WWOX: variants seen among roughly 807,000 people sequenced by gnomAD.
WWOX encodes WW domain containing oxidoreductase, also known as WW domain-containing oxidoreductase.
A neutral mutation model predicts 46.2 loss-of-function variants in WWOX; 69 were observed. The observed-to-expected ratio is 1.49, with a 90% CI of 1.23 to 1.82. The LOEUF (loss-of-function observed/expected upper bound fraction) is 1.82. Among genes scored for constraint, WWOX ranks in the 40% most tolerant of loss-of-function variants. The probability of loss-of-function intolerance (pLI) is 0.00; values close to 1 mark genes in which losing one functional copy is unlikely to be tolerated. For missense variants in WWOX, 919 were observed against 542.6 expected (o/e 1.69, Z -6.89); for synonymous variants, 359 against 202.6 (o/e 1.77, Z -6.56).
chr16:78,684,484 C>G (rs777700138), intron 8 of WWOX, among the ~76,000 whole-genome samples: 1 of 152,146 alleles, frequency 6.6e-6, no homozygotes, highest in Non-Finnish European at 1.5e-5. Flanking sequence ...TTCCTCTCCA[C>G]CCCACCCATT....
chr16:78,608,636 C>G (rs1176024321), intron 8 of WWOX, among the ~76,000 whole-genome samples: 1 of 152,178 alleles, frequency 6.6e-6, no homozygotes, highest in East Asian at 1.9e-4. Flanking sequence ...GGGTCACCAA[C>G]CCGTTCCATC....
chr16:78,411,792 T>A (rs997878060), intron 6 of WWOX, among the ~76,000 whole-genome samples: 5 of 152,032 alleles, frequency 3.3e-5, no homozygotes, highest in Admixed American at 6.6e-5. Context: ...AAACATGGAG[T>A]GACATGAAGT....
intron 8 of WWOX, among the ~76,000 whole-genome samples, chr16:78,645,257 A>G (rs1050325009): frequency 6.6e-5 from 10 of 152,098 alleles, no homozygotes; most frequent in African/African-American, 2.2e-4. Context: ...AGTTGTCAGT[A>G]TAAATGCTCC....
intron 5 of WWOX, among the ~76,000 whole-genome samples, chr16:78,368,262 T>G (rs1031652006): frequency 6.6e-6 from 1 of 152,186 alleles, no homozygotes; most frequent in Non-Finnish European, 1.5e-5. Context: ...TTTCTAAATT[T>G]ATATGGAGGA....
rs548895293 is a variant in WWOX at position 78,337,887 on chromosome 16, C to T, written c.517-48973C>T. 2.4e-4 allele frequency among the ~76,000 whole-genome samples: 29 copies of T among 119,960 alleles called. 4 individuals are homozygous for T. In the South Asian group the frequency reaches 2.5e-3, roughly 10 times the overall value. 78.7% of individuals were successfully genotyped at this position (119,960 alleles called of 152,430 possible). ...CTCAGTGGTAGAGCTGATGTAGAAGCGCCCTCTCTGTTCCTGGCAGTGCCT... is the reference window on the plus strand; with the variant it reads ...CTCAGTGGTAGAGCTGATGTAGAAGTGCCCTCTCTGTTCCTGGCAGTGCCT... On this transcript the variant is annotated intron_variant, in intron 5 of 8. Coordinates refer to ENST00000566780, the MANE Select transcript of WWOX (RefSeq NM_016373.4).
intron 5 of WWOX, among the ~76,000 whole-genome samples, chr16:78,327,943 C>A (rs1193062662): frequency 8.1e-6 from 1 of 123,902 alleles, no homozygotes; most frequent in Non-Finnish European, 1.6e-5. Flanking sequence ...GTTGTACAAT[C>A]TTGGCTCATG....
intron 8 of WWOX, among the ~76,000 whole-genome samples, chr16:78,794,664 C>T (rs983984674): frequency 3.9e-5 from 6 of 152,228 alleles, no homozygotes; most frequent in African/African-American, 1.2e-4. Flanking sequence ...TAAGTTATAG[C>T]TGTTGCTGTC....
intron 8 of WWOX, among the ~76,000 whole-genome samples, chr16:79,029,804 G>A (rs994309063): frequency 1.3e-5 from 2 of 152,032 alleles, no homozygotes; most frequent in South Asian, 2.1e-4. Flanking sequence ...GGACTCTCCC[G>A]CTAGTATAAA....
chr16:78,458,377 C>G (rs1043575547), intron 8 of WWOX, among the ~76,000 whole-genome samples: 19 of 151,480 alleles, frequency 1.3e-4, no homozygotes, highest in Admixed American at 1.3e-3. Flanking sequence ...CCTCTGGCCT[C>G]AGCCTCCCAA....
intron 8 of WWOX, among the ~76,000 whole-genome samples, chr16:78,838,606 C>T (rs1388980826): frequency 4.6e-5 from 7 of 152,142 alleles, no homozygotes; most frequent in African/African-American, 1.7e-4. Context: ...CTTTGGGAGG[C>T]CAAGGCAGAT....
chr16:78,179,336 C>T (rs2035453728), intron 5 of WWOX, among the ~76,000 whole-genome samples: 1 of 152,108 alleles, frequency 6.6e-6, no homozygotes, highest in Non-Finnish European at 1.5e-5. Context: ...TAACAGATTA[C>T]ATTTGGGTAT....
intron 8 of WWOX, among the ~76,000 whole-genome samples, chr16:78,649,526 C>G (rs1416777557): frequency 6.6e-6 from 1 of 152,152 alleles, no homozygotes; most frequent in African/African-American, 2.4e-5. Context: ...ATCCTCCTGC[C>G]TCGGCCTCCC....
intron 8 of WWOX, among the ~76,000 whole-genome samples, chr16:79,200,731 T>C (rs1193708387): frequency 1.3e-5 from 2 of 152,190 alleles, no homozygotes; most frequent in East Asian, 1.9e-4. Flanking sequence ...AAACTCTGGA[T>C]GATTTGGAAG....
At chr16:78,252,959 C>T (rs2038024470) in intron 5 of WWOX, among the ~76,000 whole-genome samples, 1 of 152,324 alleles carries the variant, frequency 6.6e-6, no homozygotes, top group East Asian at 1.9e-4. Flanking sequence ...GATTATTCAG[C>T]ATAGGGGCTG....
At chr16:79,185,967 CGT>C (rs113299262) in intron 8 of WWOX, among the ~76,000 whole-genome samples, 34 of 149,470 alleles carry the variant, frequency 2.3e-4, no homozygotes, top group East Asian at 1.2e-3. Context: ...TGTGTGCATG[CGT>C]GTGTGTGTGT....
rs937780510 is a variant in WWOX, at chr16:78,283,797, A to G, written c.517-103063A>G. Among the ~76,000 whole-genome samples the G allele has an allele frequency of 8.5e-5, 13 of 152,320 alleles. 1 individual carries two copies. Among genetic ancestry groups the G allele is most frequent in the African/African-American group, 3.1e-4 (13 of 41,578 alleles). On this transcript the variant is annotated intron_variant, in intron 5 of 8. Coordinates refer to ENST00000566780, the MANE Select transcript of WWOX (RefSeq NM_016373.4). ...TGAGCTAAATTCAGCTACGTCAAGGAAGAGCAATAAAAGGAGATGGATTGT... is the reference window on the plus strand; with the variant it reads ...TGAGCTAAATTCAGCTACGTCAAGGGAGAGCAATAAAAGGAGATGGATTGT...
intron 8 of WWOX, among the ~76,000 whole-genome samples, chr16:78,664,201 CA>C (rs1284856645): frequency 6.6e-6 from 1 of 152,140 alleles, no homozygotes; most frequent in Non-Finnish European, 1.5e-5. Context: ...AGGATGGATT[CA>C]GGAAACATGA....
intron 7 of WWOX, among the ~76,000 whole-genome samples, 162 bp from the exon 8 acceptor site, chr16:78,432,326 G>T (rs550413417): frequency 2.0e-5 from 3 of 152,146 alleles, no homozygotes; most frequent in East Asian, 1.9e-4. Context: ...GGCTGGTCTT[G>T]AACTCCCGAC....
intron 8 of WWOX, among the ~76,000 whole-genome samples, chr16:79,071,549 G>A (rs375576013): frequency 6.6e-5 from 10 of 152,164 alleles, no homozygotes; most frequent in Non-Finnish European, 1.2e-4. Flanking sequence ...AGCTGTTTCA[G>A]GTTTTTAGAG....
Sources: gnomAD v4.1 joint callset for allele counts (sites outside exome capture counted in the v4.1 genomes callset) on GRCh38, gnomAD v4.1.1 for gene constraint, MANE v1.5 for transcripts, NCBI Gene and HGNC (gene_info 2026-07-23, HGNC 2026-07-21) for gene names.